RIF1: variants seen among roughly 807,000 people sequenced by gnomAD.
RIF1 encodes the protein replication timing regulatory factor 1.
A neutral mutation model predicts 247.1 loss-of-function variants in RIF1; 45 were observed. That is an observed-to-expected ratio of 0.18 (90% CI 0.14 to 0.23). RIF1 has a LOEUF of 0.23. Ranked by LOEUF, RIF1 falls within the 10% of genes least tolerant of loss-of-function variation. The pLI, the probability that RIF1 is intolerant of heterozygous loss-of-function variation, is 1.00. For missense variants in RIF1, 2,967 were observed against 2,862.5 expected (o/e 1.04, Z -0.83); for synonymous variants, 1,087 against 978.8 (o/e 1.11, Z -2.06).
chr2:151,436,794 T>G (rs779683646), intron 11 of RIF1, 33 bp from the exon 12 acceptor site: 17 of 1,493,898 alleles, frequency 1.1e-5, no homozygotes, highest in Admixed American at 2.4e-5. Flanking sequence ...AATGAGCTTG[T>G]ATGACTTAAC....
rs540979616 is a variant in RIF1 at position 151,474,850 on chromosome 2, CTT to C, written c.7205-4_7205-3del. On this transcript the variant is annotated splice_region_variant and splice_polypyrimidine_tract_variant and intron_variant, in intron 35 of 35. Transcript: ENST00000444746. ...GATTTAATTGTGGTTTTTTTTTTCT[CTT>C]TTAGATATAATTGATCCTGTTGCTT... The C allele has an allele frequency of 4.0e-3, 5,689 of 1,409,132 alleles. 17 individuals carry two copies. The highest frequency in any genetic ancestry group is 4.9e-3 in the Non-Finnish European group (4,970 of 1,008,810). 87.3% of individuals were successfully genotyped at this position (1,409,132 alleles called of 1,614,324 possible).
intron 4 of RIF1, among the ~76,000 whole-genome samples, chr2:151,415,465 G>A (rs772239513): frequency 2.0e-5 from 3 of 150,824 alleles, no homozygotes; most frequent in Non-Finnish European, 2.9e-5. Flanking sequence ...GTGGTGGCAG[G>A]TGCCTGTAGT....
chr2:151,483,656 C>T (rs1166978668), downstream of RIF1, among the ~76,000 whole-genome samples: 4 of 152,048 alleles, frequency 2.6e-5, no homozygotes, highest in Non-Finnish European at 4.4e-5. Context: ...AACCTATGCA[C>T]ATTCTCCCAT....
At chr2:151,410,313 C>G (rs955394397) in intron 1 of RIF1, 101 bp from the exon 2 acceptor site, 9 of 890,024 alleles carry the variant, frequency 1.0e-5, no homozygotes, top group East Asian at 2.6e-5. Flanking sequence ...GCTGTGAGGC[C>G]CGGGCGGGCG....
At position 151,461,161 on chromosome 2, in the gene RIF1, A is replaced by C. The variant is rs1329431899; in HGVS notation, c.3099A>C (p.Leu1033Phe). ...AGCTGAAACTTGAATCTTCGTCTTT[A>C]AAAGTAAAGGGTGAAATTCTTTTGG... ...AAKLKLESSS[L>F]KVKGEILLEE... The change falls in exon 27 of 36, where the codon TTA (leucine) becomes TTC (phenylalanine). Residue 1033 changes from leucine to phenylalanine, a missense_variant. By Grantham distance (22) the Leu-to-Phe change is conservative. This residue lies in a region of RIF1 where 2,028 missense variants were observed against 1,825.6 expected (regional missense o/e 1.11). Coordinates refer to ENST00000444746, the MANE Select transcript of RIF1 (RefSeq NM_018151.5). 6.2e-7 allele frequency: 1 copy of C among 1,609,970 alleles called. No homozygotes were observed.
chr2:151,416,710 G>T (rs1487580409), intron 5 of RIF1, 22 bp downstream of exon 5: 1 of 1,610,650 alleles, frequency 6.2e-7, no homozygotes, highest in South Asian at 1.1e-5. Flanking sequence ...TTTTGGGTAT[G>T]CCATCTTAAC....
At chr2:151,502,894 T>C in intron 11 of RIF1, 1 of 1,483,384 alleles carries the variant, frequency 6.7e-7, no homozygotes, top group African/African-American at 1.4e-5. Context: ...ACCTGTGAGA[T>C]ACAAGAAAGT....
At chr2:151,453,874 T>TCA (rs1306546923) in intron 21 of RIF1, among the ~76,000 whole-genome samples, 3 of 152,226 alleles carry the variant, frequency 2.0e-5, no homozygotes, top group African/African-American at 7.2e-5. Context: ...CCATCTAATA[T>TCA]CACATGGATT....
chr2:151,428,270 A>T (rs777124242), intron 8 of RIF1, among the ~76,000 whole-genome samples: 46 of 152,106 alleles, frequency 3.0e-4, no homozygotes, highest in Non-Finnish European at 4.7e-4. Flanking sequence ...TTTTTATCTC[A>T]CTTTTACTAT....
the RIF1 span, among the ~76,000 whole-genome samples, chr2:151,523,956 A>G: frequency 6.6e-6 from 1 of 152,190 alleles, no homozygotes; most frequent in Non-Finnish European, 1.5e-5. Flanking sequence ...TTCATGTTAA[A>G]TCTATCCCAG....
downstream of RIF1, chr2:151,486,081 C>T: frequency 1.3e-6 from 1 of 776,836 alleles, no homozygotes. Context: ...TAAAAGGAAC[C>T]CACAAAATAG....
chr2:151,497,080 C>CATT (rs753573270), intron 10 of RIF1: 4 of 1,538,766 alleles, frequency 2.6e-6, no homozygotes, highest in Non-Finnish European at 8.8e-7. Context: ...AGTAACATTT[C>CATT]ATTTGTTGAA....
chr2:151,491,760 C>A, intron 9 of RIF1: 2 of 1,589,136 alleles, frequency 1.3e-6, no homozygotes, highest in Non-Finnish European at 1.7e-6. Flanking sequence ...AGGATTAGTA[C>A]GCCAGACACG....
intron 12 of RIF1, chr2:151,503,389 T>C (rs2066253692): frequency 6.2e-7 from 1 of 1,612,824 alleles, no homozygotes; most frequent in Admixed American, 1.7e-5. Flanking sequence ...TCTCTCAATC[T>C]CTGGAGTCAC....
the RIF1 span, among the ~76,000 whole-genome samples, chr2:151,515,128 G>A: frequency 1.3e-5 from 2 of 152,094 alleles, no homozygotes; most frequent in African/African-American, 2.4e-5. Flanking sequence ...GGAAATTCAG[G>A]CTGAGACACT....
intron 9 of RIF1, among the ~76,000 whole-genome samples, chr2:151,431,720 G>A (rs916594883): frequency 6.6e-6 from 1 of 152,206 alleles, no homozygotes; most frequent in African/African-American, 2.4e-5. Flanking sequence ...GGAGGCTGCA[G>A]TGAGCCGAGA....
chr2:151,493,342 C>A lies in RIF1; in HGVS notation c.*416-1887C>A. 3 of 1,591,444 alleles carry A rather than the reference C, an allele frequency of 1.9e-6. No individual in the cohort carries two copies. The African/African-American group carries it at 4.0e-5, about 21-fold the overall frequency. On this transcript the variant is annotated intron_variant and NMD_transcript_variant, in intron 9 of 13. Coordinates refer to the RIF1 transcript ENST00000454583. The stretch of plus-strand genomic sequence containing the variant: ...GTTGTTGCACTATTTCTTTTTAGTC[C>A]TAGAAAATACCGAGCTAATGTTTTC...
chr2:151,444,639 A>G (rs1334269260), intron 18 of RIF1, among the ~76,000 whole-genome samples: 1 of 152,184 alleles, frequency 6.6e-6, no homozygotes, highest in Non-Finnish European at 1.5e-5. Flanking sequence ...TGGCTACTCA[A>G]GCTAGCACAC....
chr2:151,459,539 A>G (rs1695800276), intron 25 of RIF1, among the ~76,000 whole-genome samples: 1 of 152,234 alleles, frequency 6.6e-6, no homozygotes, highest in Non-Finnish European at 1.5e-5. Context: ...TCCACTAGAT[A>G]ACTAACAGAC....
Sources: allele counts gnomAD v4.1 joint callset (sites outside exome capture counted in the v4.1 genomes callset), GRCh38; gene constraint gnomAD v4.1.1; regional missense constraint gnomAD v4.1.1; transcripts MANE v1.5; gene names NCBI Gene and HGNC (gene_info 2026-07-23, HGNC 2026-07-21).